GLTP: variants seen among roughly 807,000 people sequenced by gnomAD.
The protein encoded by GLTP is glycolipid transfer protein.
Under a neutral mutation model 24.0 loss-of-function variants are expected in GLTP, and 22 were observed. That is an observed-to-expected ratio of 0.92 (90% confidence interval 0.65 to 1.31). The LOEUF (loss-of-function observed/expected upper bound fraction) is 1.31. Ranked by LOEUF, GLTP falls within the 50% of genes most tolerant of loss-of-function variation. The pLI is 0.00. For missense variants in GLTP, 224 were observed against 276.6 expected (o/e 0.81, Z 1.35); for synonymous variants, 92 against 115.9 (o/e 0.79, Z 1.33).
Position 109,851,204 on chromosome 12 carries a change from G to A in GLTP, c.*1351C>T, listed in dbSNP as rs1892717332. The A allele has an allele frequency of 6.6e-6, 1 of 152,552 alleles. No homozygotes were observed. The highest frequency in any genetic ancestry group is 2.4e-5 in the African/African-American group (1 of 41,434). The allele number at this position is 152,552 out of a possible 1,614,324, so 9.4% of individuals were successfully genotyped here. A position where few individuals can be genotyped will look rare whatever the true frequency, so the allele number is the denominator to read the frequency against. On this transcript the variant is annotated 3_prime_UTR_variant, in exon 5 of 5. Coordinates refer to ENST00000318348, the MANE Select transcript of GLTP (RefSeq NM_016433.4). ...GTCAAGAGAATACACACGGTAGGTA[G>A]TTTCTTAGGTTGGAAAATCTGTCCC...
At chr12:109,872,927 G>A (rs181785763) in intron 1 of GLTP, among the ~76,000 whole-genome samples, 6 of 152,242 alleles carry the variant, frequency 3.9e-5, no homozygotes, top group Non-Finnish European at 7.4e-5. Flanking sequence ...TGTCCAACCC[G>A]CAGACCGCAG....
At position 109,852,558 on chromosome 12, in the gene GLTP, C is replaced by T. The variant is rs1892739532; in HGVS notation, c.627G>A (p.Val209=). Residue 209 remains valine (V), a synonymous_variant, in exon 5 of 5, where the codon GTG becomes GTA. Transcript: ENST00000318348. ...TQMNAELNYK[V] is the part of the protein sequence containing the mutation. Reference sequence around the variant, plus strand: ...ACGTGTCCAGCAGTGGGCATGCCTACACCTTGTAGTTAAGCTCAGCGTTCA... The same window carrying T: ...ACGTGTCCAGCAGTGGGCATGCCTATACCTTGTAGTTAAGCTCAGCGTTCA... 1.2e-6 allele frequency: 2 copies of T among 1,601,792 alleles called. No homozygotes were observed. Among genetic ancestry groups the T allele is most frequent in the Non-Finnish European group, 8.5e-7 (1 of 1,169,890 alleles).
chr12:109,852,727 TAC>T lies in GLTP; in HGVS notation c.456_457del (p.Tyr153ArgfsTer5). On this transcript the variant is annotated frameshift_variant, in exon 5 of 5. Coordinates refer to ENST00000318348, the MANE Select transcript of GLTP (RefSeq NM_016433.4). LOFTEE classifies it high-confidence loss of function. Reference sequence around the variant, plus strand: ...GAAGTCAGACTTATAGGGTGCTGCGTACAGTGCTGCCTTGAGACAGGCAAGAA... The same window carrying T: ...GAAGTCAGACTTATAGGGTGCTGCGTAGTGCTGCCTTGAGACAGGCAAGAA... 1 of 1,611,286 alleles carries T rather than the reference TAC, an allele frequency of 6.2e-7. No homozygotes were observed. The highest frequency in any genetic ancestry group is 8.5e-7 in the Non-Finnish European group (1 of 1,177,606).
At chr12:109,858,645 G>C (rs745919609) in intron 2 of GLTP, 38 bp downstream of exon 2, 6 of 1,528,982 alleles carry the variant, frequency 3.9e-6, no homozygotes, top group Non-Finnish European at 4.5e-6. Flanking sequence ...GATTCCTAAC[G>C]CAAGTCTTGG....
rs749174248 is a variant in GLTP at position 109,880,312 on chromosome 12, C to T, written c.63G>A (p.Gly21=). 6.2e-7 allele frequency: 1 copy of T among 1,606,940 alleles called. No homozygotes were observed. The highest frequency in any genetic ancestry group is 8.5e-7 in the Non-Finnish European group (1 of 1,178,198). Residue 21 remains glycine (G), a synonymous_variant, in exon 1 of 5, where the codon GGG becomes GGA. Transcript: ENST00000318348. This position sits in a 1 kb window ranked among gnomAD's most constrained non-coding sequence, Gnocchi z 5.1. ...PLPADKQIET[G]PFLEAVSHLP... is the part of the protein sequence containing the mutation. ...GGTGGGACACCGCCTCGAGGAAGGG[C>T]CCGGTCTCGATCTGCTTGTCCGCGG...
intron 1 of GLTP, among the ~76,000 whole-genome samples, chr12:109,878,713 T>A (rs917572819): frequency 6.6e-6 from 1 of 152,122 alleles, no homozygotes; most frequent in Non-Finnish European, 1.5e-5. Flanking sequence ...ATCTCAAGAC[T>A]GTGACACTGA....
At chr12:109,856,192 GC>G (rs1342402199) in intron 3 of GLTP, among the ~76,000 whole-genome samples, 3 of 152,142 alleles carry the variant, frequency 2.0e-5, no homozygotes, top group African/African-American at 4.8e-5. Flanking sequence ...GGCGAGACTG[GC>G]CCCGCGTGTA....
chr12:109,854,689 C>T (rs1892773702), intron 4 of GLTP, among the ~76,000 whole-genome samples: 1 of 152,188 alleles, frequency 6.6e-6, no homozygotes, highest in Non-Finnish European at 1.5e-5. Flanking sequence ...ACAGGACACA[C>T]TATTACTACT....
At chr12:109,858,458 A>G (rs1222963134) in intron 2 of GLTP, among the ~76,000 whole-genome samples, 1 of 152,210 alleles carries the variant, frequency 6.6e-6, no homozygotes, top group Non-Finnish European at 1.5e-5. Context: ...CCCTTTAATT[A>G]GACTTTGGTT....
intron 1 of GLTP, among the ~76,000 whole-genome samples, chr12:109,871,081 C>CTTTTTTTT (rs965998479): frequency 8.7e-6 from 1 of 114,434 alleles, no homozygotes; most frequent in Non-Finnish European, 1.8e-5. Flanking sequence ...CATTTCCATT[C>CTTTTTTTT]TTTTTTTTTT....
chr12:109,871,799 C>T (rs956720615), intron 1 of GLTP, among the ~76,000 whole-genome samples: 3 of 152,196 alleles, frequency 2.0e-5, no homozygotes, highest in Admixed American at 1.3e-4. Context: ...GTCATGAATT[C>T]CTCCCATTCC....
At chr12:109,858,778 G>GC in intron 1 of GLTP, 37 bp from the exon 2 acceptor site, 2 of 1,461,170 alleles carry the variant, frequency 1.4e-6, no homozygotes, top group Non-Finnish European at 1.9e-6. Flanking sequence ...GAGATTCGCA[G>GC]CAAGAGTGAT....
intron 1 of GLTP, among the ~76,000 whole-genome samples, chr12:109,878,670 C>T (rs919856427): frequency 1.3e-5 from 2 of 152,118 alleles, no homozygotes; most frequent in Admixed American, 1.3e-4. Flanking sequence ...AGAGCTGGTT[C>T]GCTCCCAAGC....
chr12:109,868,810 T>A (rs1396151466), intron 1 of GLTP, among the ~76,000 whole-genome samples: 1 of 152,094 alleles, frequency 6.6e-6, no homozygotes, highest in African/African-American at 2.4e-5. Context: ...TGGAAGACAC[T>A]CAAATTACAG....
intron 4 of GLTP, 93 bp from the exon 5 acceptor site, chr12:109,852,830 G>A: frequency 1.3e-6 from 1 of 752,502 alleles, no homozygotes; most frequent in Non-Finnish European, 2.3e-6. Flanking sequence ...GTCTTCCCTG[G>A]GTCTGTGCTG....
chr12:109,876,102 G>A (rs910980749), intron 1 of GLTP, among the ~76,000 whole-genome samples: 1 of 152,150 alleles, frequency 6.6e-6, no homozygotes, highest in African/African-American at 2.4e-5. Flanking sequence ...CAGCCCTTTG[G>A]GAGGCTGAGG....
intron 1 of GLTP, among the ~76,000 whole-genome samples, chr12:109,868,378 C>T (rs566006635): frequency 6.6e-6 from 1 of 152,300 alleles, no homozygotes; most frequent in South Asian, 2.1e-4. Context: ...AGCAAGACCA[C>T]AGCATATACC....
At chr12:109,863,105 CTGAT>C (rs1231981615) in intron 1 of GLTP, among the ~76,000 whole-genome samples, 5 of 152,110 alleles carry the variant, frequency 3.3e-5, no homozygotes, top group Non-Finnish European at 5.9e-5. Flanking sequence ...TTACATTAGA[CTGAT>C]GGATGGATGG....
chr12:109,870,636 A>G (rs1412675699), intron 1 of GLTP, among the ~76,000 whole-genome samples: 1 of 152,148 alleles, frequency 6.6e-6, no homozygotes, highest in Non-Finnish European at 1.5e-5. Context: ...AAGCAGAAGG[A>G]GAGGAAGGAA....
Sources: gnomAD v4.1 joint callset for allele counts (sites outside exome capture counted in the v4.1 genomes callset) on GRCh38, gnomAD v4.1.1 for gene constraint, Gnocchi (gnomAD v3.1) non-coding constraint, MANE v1.5 for transcripts, NCBI Gene and HGNC (gene_info 2026-07-23, HGNC 2026-07-21) for gene names.